Variants in KIF18A observed in about 807,000 individuals in gnomAD.
The protein encoded by KIF18A is kinesin-like protein KIF18A.
A neutral mutation model predicts 103.3 loss-of-function variants in KIF18A; 67 were observed. The ratio of observed to expected loss-of-function variants is 0.65; its 90% CI spans 0.53 to 0.79. The LOEUF is 0.79. Among genes scored for constraint, KIF18A ranks in the 30% least tolerant of loss-of-function variants. The pLI is 0.00. For missense variants in KIF18A, 1,032 were observed against 1,062.5 expected (o/e 0.97, Z 0.40); for synonymous variants, 367 against 355.5 (o/e 1.03, Z -0.36).
intron 13 of KIF18A, among the ~76,000 whole-genome samples, chr11:28,042,956 C>G (rs1223561584): frequency 6.6e-6 from 1 of 151,818 alleles, no homozygotes; most frequent in East Asian, 1.9e-4. Context: ...TACTCCCTAT[C>G]CTTTACCCTT....
intron 15 of KIF18A, among the ~76,000 whole-genome samples, chr11:28,028,431 G>A (rs1332025648): frequency 2.0e-5 from 3 of 152,036 alleles, no homozygotes; most frequent in Non-Finnish European, 4.4e-5. Context: ...AATGACTACT[G>A]GGTACATAAC....
At chr11:28,068,468 G>C (rs531160592) in intron 11 of KIF18A, among the ~76,000 whole-genome samples, 24 of 145,306 alleles carry the variant, frequency 1.7e-4, no homozygotes, top group Admixed American at 2.7e-4. Flanking sequence ...ATACTGTTCA[G>C]AGTAATTATG....
chr11:28,103,779 T>C (rs1242147907), intron 1 of KIF18A, among the ~76,000 whole-genome samples: 2 of 151,590 alleles, frequency 1.3e-5, no homozygotes, highest in African/African-American at 4.8e-5. Context: ...CATATTAGAG[T>C]ACAATAGTTG....
intron 13 of KIF18A, among the ~76,000 whole-genome samples, chr11:28,047,491 A>T (rs561688946): frequency 6.6e-6 from 1 of 152,276 alleles, no homozygotes; most frequent in South Asian, 2.1e-4. Flanking sequence ...TACAATGGGG[A>T]TCATCTTATA....
intron 16 of KIF18A, among the ~76,000 whole-genome samples, chr11:28,022,015 GTTTC>G (rs975981262): frequency 6.6e-6 from 1 of 152,016 alleles, no homozygotes; most frequent in African/African-American, 2.4e-5. Flanking sequence ...ATGGTCCTAT[GTTTC>G]TTTATTTGTA....
intron 9 of KIF18A, among the ~76,000 whole-genome samples, chr11:28,081,190 G>A (rs1590701741): frequency 3.3e-5 from 5 of 152,320 alleles, no homozygotes; most frequent in Admixed American, 3.3e-4. Context: ...TGTAGAAGCT[G>A]CAGCAAGTTA....
intron 13 of KIF18A, among the ~76,000 whole-genome samples, chr11:28,042,089 G>T (rs189013897): frequency 5.9e-5 from 9 of 151,896 alleles, no homozygotes; most frequent in Admixed American, 3.3e-4. Context: ...ACTTGAGGCA[G>T]TAGAAACTCT....
chr11:28,097,549 G>A, intron 2 of KIF18A, 74 bp downstream of exon 2: 1 of 935,828 alleles, frequency 1.1e-6, no homozygotes, highest in South Asian at 1.3e-5. Context: ...TATTTAGAAG[G>A]GTCAAGTAGA....
At chr11:28,088,029 T>C (rs1851253154) in intron 6 of KIF18A, among the ~76,000 whole-genome samples, 1 of 152,116 alleles carries the variant, frequency 6.6e-6, no homozygotes, top group Admixed American at 6.6e-5. Flanking sequence ...CAGAAGCATC[T>C]AGTAAACATT....
intron 13 of KIF18A, among the ~76,000 whole-genome samples, chr11:28,040,271 A>G (rs1411486844): frequency 1.3e-5 from 2 of 151,690 alleles, no homozygotes; most frequent in Non-Finnish European, 3.0e-5. Flanking sequence ...AATAGGCTAT[A>G]AGAACTGTTG....
chr11:28,042,906 C>A (rs1850579752), intron 13 of KIF18A, among the ~76,000 whole-genome samples: 1 of 151,748 alleles, frequency 6.6e-6, no homozygotes, highest in African/African-American at 2.4e-5. Flanking sequence ...TTGTATAGCT[C>A]AGACTCTTAA....
rs1253859341 is a variant in KIF18A, at chr11:28,082,841, T to C, written c.1262+15A>G. 2.1e-6 allele frequency: 3 copies of C among 1,437,802 alleles called. No homozygotes were observed. The highest frequency in any genetic ancestry group is 2.9e-5 in the African/African-American group (2 of 69,902). The allele number at this position is 1,437,802 out of a possible 1,614,324, so 89.1% of individuals were successfully genotyped here. A position where few individuals can be genotyped will look rare whatever the true frequency, so the allele number is the denominator to read the frequency against. On this transcript the variant is annotated intron_variant, in intron 9 of 16. Coordinates refer to ENST00000263181, the MANE Select transcript of KIF18A (RefSeq NM_031217.4). ...CAATAAATTCCTCAAAATTAGATCT[T>C]AATGTAATGTTTACCTTTCGATTTC...
Position 28,052,207 on chromosome 11 carries a change from A to G in KIF18A, c.1948+6719T>C, listed in dbSNP as rs115177172. Among the ~76,000 whole-genome samples, 394 of 152,154 alleles carry G rather than the reference A, an allele frequency of 2.6e-3. 4 individuals are homozygous for G. The highest frequency in any genetic ancestry group is 8.7e-3 in the African/African-American group (362 of 41,536). On this transcript the variant is annotated intron_variant, in intron 13 of 16. Coordinates refer to ENST00000263181, the MANE Select transcript of KIF18A (RefSeq NM_031217.4). ...TTCAGCCCTTGCCATAGTATAATCT[A>G]TTCTCACCACAGCAGTCAGAGAGAT... is the stretch of plus-strand genomic sequence containing the variant.
chr11:28,092,965 G>T (rs955914439), intron 3 of KIF18A, among the ~76,000 whole-genome samples: 1 of 152,108 alleles, frequency 6.6e-6, no homozygotes, highest in Non-Finnish European at 1.5e-5. Flanking sequence ...CACTCACCAA[G>T]GAGCATTTAA....
Position 28,036,205 on chromosome 11 carries a change from A to AT in KIF18A, c.2396+11dup. 1.3e-6 allele frequency: 2 copies of AT among 1,514,324 alleles called. No individual in the cohort carries two copies. The highest frequency in any genetic ancestry group is 1.8e-6 in the Non-Finnish European group (2 of 1,123,268). 93.8% of individuals were successfully genotyped at this position (1,514,324 alleles called of 1,614,324 possible). ...TAAAAAAAAAGAATTGGCAAATATTATTTTTTTGTACCGTTGTAAAATGTC... is the reference window on the plus strand; with the variant it reads ...TAAAAAAAAAGAATTGGCAAATATTATTTTTTTTGTACCGTTGTAAAATGTC... On this transcript the variant is annotated intron_variant, in intron 14 of 16. Transcript: ENST00000263181.
At chr11:28,087,784 C>T (rs1851247403) in intron 6 of KIF18A, among the ~76,000 whole-genome samples, 1 of 152,154 alleles carries the variant, frequency 6.6e-6, no homozygotes, top group East Asian at 1.9e-4. Flanking sequence ...GCCATTCTAA[C>T]TGGCATGAGA....
intron 6 of KIF18A, among the ~76,000 whole-genome samples, chr11:28,087,902 A>G (rs1851250052): frequency 1.3e-5 from 2 of 152,212 alleles, no homozygotes; most frequent in South Asian, 2.1e-4. Flanking sequence ...TTAAATTGCC[A>G]TATTATAATT....
intron 1 of KIF18A, among the ~76,000 whole-genome samples, chr11:28,107,619 A>C (rs1851548611): frequency 6.6e-6 from 1 of 152,100 alleles, no homozygotes. Context: ...TTCAGACAAA[A>C]ATTTTATGCA....
intron 12 of KIF18A, among the ~76,000 whole-genome samples, chr11:28,061,709 G>A (rs1364938369): frequency 6.6e-6 from 1 of 152,028 alleles, no homozygotes; most frequent in Non-Finnish European, 1.5e-5. Context: ...ATAATTATCA[G>A]TTATTTGAGC....
Sources: allele counts gnomAD v4.1 joint callset (sites outside exome capture counted in the v4.1 genomes callset), GRCh38; gene constraint gnomAD v4.1.1; transcripts MANE v1.5; gene names NCBI Gene and HGNC (gene_info 2026-07-23, HGNC 2026-07-21).